Variants in ARHGEF37 observed in about 807,000 individuals in gnomAD.
ARHGEF37 encodes the protein Rho guanine nucleotide exchange factor 37.
In ARHGEF37, 55 loss-of-function variants were observed where a neutral mutation model predicts 71.1. The ratio of observed to expected loss-of-function variants is 0.77; its 90% CI spans 0.62 to 0.97. The LOEUF (loss-of-function observed/expected upper bound fraction) is 0.97, where lower values mean the gene tolerates loss of function less well. ARHGEF37 is among the 50% of genes least tolerant of loss of function. The pLI, the probability that ARHGEF37 is intolerant of heterozygous loss-of-function variation, is 0.00. For missense variants in ARHGEF37, 765 were observed against 836.8 expected (o/e 0.91, Z 1.06); for synonymous variants, 327 against 350.6 (o/e 0.93, Z 0.75).
intron 1 of ARHGEF37, among the ~76,000 whole-genome samples, chr5:149,570,866 A>T (rs527777781): frequency 6.6e-6 from 1 of 151,282 alleles, no homozygotes; most frequent in East Asian, 1.9e-4. Flanking sequence ...ACAGAGCAAG[A>T]CTCCATCTCA....
At chr5:149,553,181 C>A (rs2113222531) in intron 1 of ARHGEF37, among the ~76,000 whole-genome samples, 1 of 152,236 alleles carries the variant, frequency 6.6e-6, no homozygotes, top group South Asian at 2.1e-4. Flanking sequence ...GCTGGATCAC[C>A]TGAGGTCGGG....
At chr5:149,626,901 A>C in intron 10 of ARHGEF37, 175 bp from the exon 11 acceptor site, 1 of 501,830 alleles carries the variant, frequency 2.0e-6, no homozygotes, top group Non-Finnish European at 3.4e-6. Flanking sequence ...GTAGGCTGCT[A>C]AGAGCCAGCC....
intron 1 of ARHGEF37, among the ~76,000 whole-genome samples, chr5:149,592,541 A>G (rs1463055408): frequency 2.0e-5 from 3 of 152,162 alleles, no homozygotes; most frequent in Admixed American, 6.5e-5. Context: ...ACCATCATCT[A>G]TTAAAGGAAA....
intron 4 of ARHGEF37, among the ~76,000 whole-genome samples, chr5:149,615,045 C>T (rs1752336229): frequency 6.6e-6 from 1 of 152,190 alleles, no homozygotes. Context: ...GACTTGGGGA[C>T]TCTGGATGAA....
chr5:149,558,132 A>G (rs1762778193), intron 1 of ARHGEF37, among the ~76,000 whole-genome samples: 1 of 152,164 alleles, frequency 6.6e-6, no homozygotes, highest in South Asian at 2.1e-4. Context: ...TTGGCCTCCC[A>G]AAGTGCTGGG....
chr5:149,578,224 GC>G (rs1163896776), upstream of ARHGEF37, among the ~76,000 whole-genome samples: 9 of 152,192 alleles, frequency 5.9e-5, no homozygotes, highest in African/African-American at 1.4e-4. Flanking sequence ...ACCAGAATCA[GC>G]TTTTGTCGCT....
chr5:149,624,207 C>T, intron 10 of ARHGEF37, 67 bp downstream of exon 10: 2 of 1,533,708 alleles, frequency 1.3e-6, no homozygotes, highest in East Asian at 2.3e-5. Context: ...GAGGCTCCAT[C>T]CATCCCCTCT....
chr5:149,620,524 T>C, intron 8 of ARHGEF37, 60 bp downstream of exon 8: 2 of 1,399,658 alleles, frequency 1.4e-6, no homozygotes, highest in Non-Finnish European at 2.0e-6. Context: ...CTTACAAGAA[T>C]AATATTTAGA....
At chr5:149,570,673 C>G (rs1036592447) in intron 1 of ARHGEF37, among the ~76,000 whole-genome samples, 3 of 151,224 alleles carry the variant, frequency 2.0e-5, no homozygotes, top group Admixed American at 1.3e-4. Context: ...GTCAGGAGTT[C>G]AAGACCACCC....
chr5:149,572,119 G>C (rs913983882), intron 1 of ARHGEF37, among the ~76,000 whole-genome samples: 1 of 152,080 alleles, frequency 6.6e-6, no homozygotes, highest in Non-Finnish European at 1.5e-5. Flanking sequence ...ACCTTGAACT[G>C]AATAGAGAGT....
At position 149,632,771 on chromosome 5, in the gene ARHGEF37, G is replaced by A. The variant is rs1170464132; in HGVS notation, c.*580G>A. On this transcript the variant is annotated 3_prime_UTR_variant, in exon 13 of 13. Coordinates refer to ENST00000333677, the MANE Select transcript of ARHGEF37 (RefSeq NM_001001669.3). ...AAGCCATGGATTTATCGGTGTAGCA[G>A]AGAGGTTCCCAAGACTCTTGACTGG... The A allele has an allele frequency of 6.4e-6, 1 of 157,480 alleles. No homozygotes were observed. Among genetic ancestry groups the A allele is most frequent in the Non-Finnish European group, 1.4e-5 (1 of 70,688 alleles). The allele number at this position is 157,480 out of a possible 1,614,324, so 9.8% of individuals were successfully genotyped here. A position where few individuals can be genotyped will look rare whatever the true frequency, so the allele number is the denominator to read the frequency against.
chr5:149,593,449 T>C (rs1294777732), intron 1 of ARHGEF37, among the ~76,000 whole-genome samples: 1 of 152,234 alleles, frequency 6.6e-6, no homozygotes, highest in Non-Finnish European at 1.5e-5. Flanking sequence ...TTGCCTTTTT[T>C]CACTAAGCAT....
At chr5:149,581,314 C>T (rs566393385), upstream of ARHGEF37, among the ~76,000 whole-genome samples, 1 of 152,356 alleles carries the variant, frequency 6.6e-6, no homozygotes, top group East Asian at 1.9e-4. Context: ...GCCTGCAATC[C>T]TTCGGGTTGG....
At chr5:149,609,716 G>A in intron 4 of ARHGEF37, 21 bp downstream of exon 4, 4 of 1,611,976 alleles carry the variant, frequency 2.5e-6, no homozygotes, top group Non-Finnish European at 3.4e-6. Flanking sequence ...CGGCCAGTGA[G>A]CACTCGCTCC....
intron 4 of ARHGEF37, among the ~76,000 whole-genome samples, chr5:149,612,928 G>T (rs1752241705): frequency 6.6e-6 from 1 of 152,204 alleles, no homozygotes; most frequent in African/African-American, 2.4e-5. Context: ...TGTCTTTTAA[G>T]GCAACTCTTC....
chr5:149,628,751 T>A lies in ARHGEF37; in HGVS notation c.1661-58T>A, dbSNP rs75468957. On this transcript the variant is annotated intron_variant, in intron 11 of 12. Coordinates refer to ENST00000333677, the MANE Select transcript of ARHGEF37 (RefSeq NM_001001669.3). The stretch of plus-strand genomic sequence containing the variant: ...CATTTATATCCATGGATTTTCTCCC[T>A]CATTAAAAGGGACGGGAAGGTGGCC... 1,255 of 1,531,802 alleles carry A rather than the reference T, an allele frequency of 8.2e-4. 13 individuals carry two copies. In the African/African-American group the frequency reaches 0.013, roughly 16 times the overall value. The allele number at this position is 1,531,802 out of a possible 1,614,324, so 94.9% of individuals were successfully genotyped here. A position where few individuals can be genotyped will look rare whatever the true frequency, so the allele number is the denominator to read the frequency against.
intron 1 of ARHGEF37, among the ~76,000 whole-genome samples, chr5:149,559,003 C>T (rs1427533960): frequency 2.6e-5 from 4 of 152,184 alleles, no homozygotes; most frequent in South Asian, 2.1e-4. Context: ...AATATAAGTA[C>T]GTATTTTATT....
chr5:149,562,257 C>T (rs531878216), intron 1 of ARHGEF37, among the ~76,000 whole-genome samples: 4 of 152,210 alleles, frequency 2.6e-5, no homozygotes, highest in African/African-American at 9.6e-5. Context: ...GGGCCCTAAT[C>T]CACAAAGCAT....
At chr5:149,555,203 T>G (rs775099035) in intron 1 of ARHGEF37, among the ~76,000 whole-genome samples, 22 of 151,732 alleles carry the variant, frequency 1.4e-4, no homozygotes, top group South Asian at 8.3e-4. Flanking sequence ...TCAGATGAAT[T>G]CACTAAAAAT....
Sources: gnomAD v4.1 joint callset for allele counts (sites outside exome capture counted in the v4.1 genomes callset) on GRCh38, gnomAD v4.1.1 for gene constraint, MANE v1.5 for transcripts, NCBI Gene and HGNC (gene_info 2026-07-23, HGNC 2026-07-21) for gene names.